Variants in SMIM27 observed in about 807,000 individuals in gnomAD.
SMIM27 encodes transition zone microprotein 1.
Under a neutral mutation model 1.8 loss-of-function variants are expected in SMIM27, and 3 were observed. That is an observed-to-expected ratio of 1.65 (90% CI 0.75 to 4.28). The LOEUF (loss-of-function observed/expected upper bound fraction) is 4.28, where lower values mean the gene tolerates loss of function less well. Ranked by LOEUF, SMIM27 falls within the 30% of genes most tolerant of loss-of-function variation. The pLI is 0.02. For synonymous variants in SMIM27, 19 were observed against 13.9 expected, an observed-to-expected ratio of 1.37 and a Z score of -0.82; for missense variants, 63 against 37.0, an observed-to-expected ratio of 1.70 and a Z score of -1.83.
chr9:32,561,614 C>T (rs1244571203), intron 1 of SMIM27, among the ~76,000 whole-genome samples: 1 of 152,168 alleles, frequency 6.6e-6, no homozygotes, highest in Non-Finnish European at 1.5e-5. Context: ...CAAGCATGAG[C>T]CACCACACCC....
chr9:32,560,303 G>C (rs781345936), intron 1 of SMIM27, among the ~76,000 whole-genome samples: 5 of 152,198 alleles, frequency 3.3e-5, no homozygotes, highest in African/African-American at 4.8e-5. Context: ...CTGGAAGTGT[G>C]AACCCTCAGA....
chr9:32,559,801 T>G (rs1030332324), intron 1 of SMIM27, among the ~76,000 whole-genome samples: 1 of 149,228 alleles, frequency 6.7e-6, no homozygotes, highest in Admixed American at 6.6e-5. Flanking sequence ...GTTTATATAT[T>G]TATTACCAGT....
upstream of SMIM27, chr9:32,552,205 AT>A (rs1821292400): frequency 3.3e-6 from 2 of 604,084 alleles, no homozygotes; most frequent in East Asian, 5.6e-5. Flanking sequence ...AATTTTTAAC[AT>A]TTTCTCGTTT....
downstream of SMIM27, chr9:32,553,785 TTATTA>T: frequency 4.7e-6 from 4 of 856,242 alleles, no homozygotes; most frequent in Non-Finnish European, 7.7e-6. Context: ...AGATTAAACT[TTATTA>T]AAGTTACTTT....
At chr9:32,554,773 T>C (rs549038286), downstream of SMIM27, among the ~76,000 whole-genome samples, 17 of 152,334 alleles carry the variant, frequency 1.1e-4, no homozygotes, top group African/African-American at 4.1e-4. Context: ...AATGCTGCTG[T>C]AATAAAAATC....
chr9:32,553,642 G>A (rs963370867), downstream of SMIM27: 10 of 472,952 alleles, frequency 2.1e-5, no homozygotes, highest in African/African-American at 5.9e-5. Flanking sequence ...TTTCCATACC[G>A]TTTTCCAAGT....
At chr9:32,563,825 T>C (rs1821699796) in intron 1 of SMIM27, among the ~76,000 whole-genome samples, 1 of 152,248 alleles carries the variant, frequency 6.6e-6, no homozygotes, top group East Asian at 1.9e-4. Flanking sequence ...TCTATTACTA[T>C]CATTATTTAC....
chr9:32,554,012 C>A, downstream of SMIM27: 2 of 982,346 alleles, frequency 2.0e-6, no homozygotes, highest in South Asian at 3.1e-5. Flanking sequence ...CTATTCTGTT[C>A]TATGTTCATC....
At chr9:32,566,620 C>G in exon 2 of SMIM27, 2 of 790,164 alleles carry the variant, frequency 2.5e-6, no homozygotes, top group South Asian at 2.7e-5. Flanking sequence ...TCCTGAGCCT[C>G]TGCACCCACC....
At chr9:32,566,007 G>GTACTGAAATCAGA (rs1821775104) in intron 1 of SMIM27, 1 of 309,252 alleles carries the variant, frequency 3.2e-6, no homozygotes, top group Non-Finnish European at 6.1e-6. Context: ...ATTCAGAAAT[G>GTACTGAAATCAGA]TACTGAAATC....
chr9:32,564,164 A>G (rs1229113979), intron 1 of SMIM27, among the ~76,000 whole-genome samples: 2 of 152,206 alleles, frequency 1.3e-5, no homozygotes, highest in African/African-American at 2.4e-5. Context: ...ATTTACATCT[A>G]TATCTATTTC....
At position 32,552,800 on chromosome 9, in the gene SMIM27, G is replaced by A; in HGVS notation, c.46-1G>A. The stretch of plus-strand genomic sequence containing the variant: ...CACCTCCTTTGCGATTTTTGGTTTA[G>A]TTGCTGCTTGCCATCGTTTTAATCT... On this transcript the variant is annotated splice_acceptor_variant, in intron 1 of 1. Coordinates refer to ENST00000692500, the MANE Select transcript of SMIM27 (RefSeq NM_001387564.1). LOFTEE classifies it high-confidence loss of function. The A allele has an allele frequency of 1.4e-6, 1 of 700,920 alleles. No homozygotes were observed. 43.4% of individuals were successfully genotyped at this position (700,920 alleles called of 1,614,324 possible). A position where few individuals can be genotyped will look rare whatever the true frequency, so the allele number is the denominator to read the frequency against.
rs1476073139 is a variant in SMIM27, at chr9:32,566,162, AC to A, written c.46-228del. On this transcript the variant is annotated intron_variant, in intron 1 of 1. Coordinates refer to the SMIM27 transcript ENST00000451672. ...GTGTGTATATGTCACTGGCGCTTTCACACAGGCCACTTCCTCTTCAACCTTG... is the reference window on the plus strand; with the variant it reads ...GTGTGTATATGTCACTGGCGCTTTCAACAGGCCACTTCCTCTTCAACCTTG... The A allele has an allele frequency of 5.7e-5, 40 of 705,604 alleles. No individual in the cohort carries two copies. In the Middle Eastern group the frequency reaches 7.5e-4, roughly 13 times the overall value. 43.7% of individuals were successfully genotyped at this position (705,604 alleles called of 1,614,324 possible).
chr9:32,552,293 G>A (rs1303300055), upstream of SMIM27: 2 of 1,261,662 alleles, frequency 1.6e-6, no homozygotes, highest in Non-Finnish European at 2.3e-6. Context: ...AGAGGCCAGC[G>A]ACAGCGCTGC....
At chr9:32,551,189 C>T, upstream of SMIM27, 1 of 623,538 alleles carries the variant, frequency 1.6e-6, no homozygotes, top group Non-Finnish European at 2.9e-6. Flanking sequence ...CCCTCCCCAT[C>T]TTGTTACTGG....
intron 1 of SMIM27, among the ~76,000 whole-genome samples, chr9:32,564,752 G>A (rs928035134): frequency 6.6e-6 from 1 of 152,144 alleles, no homozygotes; most frequent in African/African-American, 2.4e-5. Flanking sequence ...TCTGATAAAT[G>A]GAGCAGGAGC....
At chr9:32,562,898 C>T (rs184700831) in intron 1 of SMIM27, among the ~76,000 whole-genome samples, 89 of 152,298 alleles carry the variant, frequency 5.8e-4, no homozygotes, top group Non-Finnish European at 1.1e-3. Flanking sequence ...ACAGATAATG[C>T]AATTATGCCT....
chr9:32,563,452 C>T (rs1366202360), intron 1 of SMIM27, among the ~76,000 whole-genome samples: 3 of 150,144 alleles, frequency 2.0e-5, no homozygotes, highest in Admixed American at 2.0e-4. Context: ...CTCAAGCGAT[C>T]CTCCTGCTTC....
chr9:32,566,225 T>A (rs1821784752), intron 1 of SMIM27: 1 of 879,436 alleles, frequency 1.1e-6, no homozygotes, highest in Non-Finnish European at 1.9e-6. Flanking sequence ...TCATAGCTGG[T>A]TTTGTGGGTG....
Sources: gnomAD v4.1 joint callset for allele counts (sites outside exome capture counted in the v4.1 genomes callset) on GRCh38, gnomAD v4.1.1 for gene constraint, MANE v1.5 for transcripts, NCBI Gene and HGNC (gene_info 2026-07-23, HGNC 2026-07-21) for gene names.